GPR158: variants seen among roughly 807,000 people sequenced by gnomAD.
GPR158 encodes G protein-coupled receptor 158.
Under a neutral mutation model 78.2 loss-of-function variants are expected in GPR158, and 30 were observed. The observed-to-expected ratio is 0.38, with a 90% CI of 0.29 to 0.52. The LOEUF (loss-of-function observed/expected upper bound fraction) is 0.52, where lower values mean the gene tolerates loss of function less well. GPR158 is among the 20% of genes least tolerant of loss of function. The probability of loss-of-function intolerance (pLI) is 0.83; values close to 1 mark genes in which losing one functional copy is unlikely to be tolerated. For synonymous variants in GPR158, 581 were observed against 591.1 expected, an observed-to-expected ratio of 0.98 and a Z score of 0.25; for missense variants, 1,463 against 1,523.5, an observed-to-expected ratio of 0.96 and a Z score of 0.66.
chr10:25,578,698 C>T (rs1426045021), intron 7 of GPR158, among the ~76,000 whole-genome samples: 4 of 152,014 alleles, frequency 2.6e-5, no homozygotes, highest in African/African-American at 9.7e-5. Context: ...CACTATTGTC[C>T]TAGAGCTATC....
At chr10:25,254,226 T>C (rs544566239) in intron 2 of GPR158, among the ~76,000 whole-genome samples, 117 of 152,336 alleles carry the variant, frequency 7.7e-4, no homozygotes, top group African/African-American at 2.5e-3. Context: ...TATTTCTTTT[T>C]CTTTTCTTAT....
rs943354415 is a variant in GPR158 at position 25,286,661 on chromosome 10, G to A, written c.1008+65504G>A. Among the ~76,000 whole-genome samples, 4 of 151,940 alleles carry A rather than the reference G, an allele frequency of 2.6e-5. No homozygotes were observed. The South Asian group carries it at 8.3e-4, about 32-fold the overall frequency. ...TTTTGTAGAAGTTTATGCATTTGGT[G>A]TAGGACAGTAGCCACAGAAGTAGAT... On this transcript the variant is annotated intron_variant, in intron 2 of 10. Coordinates refer to ENST00000376351, the MANE Select transcript of GPR158 (RefSeq NM_020752.3).
chr10:25,266,781 A>G (rs1854050396), intron 2 of GPR158, among the ~76,000 whole-genome samples: 1 of 152,146 alleles, frequency 6.6e-6, no homozygotes, highest in Admixed American at 6.6e-5. Context: ...TTATAACCTC[A>G]TAAATATTTT....
At chr10:25,479,928 TTATTC>T (rs1835642746) in intron 5 of GPR158, among the ~76,000 whole-genome samples, 1 of 152,156 alleles carries the variant, frequency 6.6e-6, no homozygotes, top group African/African-American at 2.4e-5. Context: ...CCTCAAGTCT[TTATTC>T]TATGACCTTT....
intron 1 of GPR158, among the ~76,000 whole-genome samples, chr10:25,193,305 T>C (rs560598254): frequency 2.0e-5 from 3 of 152,116 alleles, no homozygotes; most frequent in South Asian, 2.1e-4. Flanking sequence ...AGGGGTAGGG[T>C]AGAATGCATT....
In GPR158 at chr10:25,252,741, T is replaced by C. The variant is rs1853827234; in HGVS notation, c.1008+31584T>C. Among the ~76,000 whole-genome samples, 9 of 152,278 alleles carry C rather than the reference T, an allele frequency of 5.9e-5. No homozygotes were observed. The South Asian group carries it at 1.9e-3, about 32-fold the overall frequency. On this transcript the variant is annotated intron_variant, in intron 2 of 10. Transcript: ENST00000376351. Reference sequence around the variant, plus strand: ...AAGCTGTCAGACAGGGACATTTAAGTCTGCAGAGGTTACTGCTGTCTTTTT... The same window carrying C: ...AAGCTGTCAGACAGGGACATTTAAGCCTGCAGAGGTTACTGCTGTCTTTTT...
intron 6 of GPR158, among the ~76,000 whole-genome samples, chr10:25,559,136 G>A (rs1338580612): frequency 6.6e-6 from 1 of 152,150 alleles, no homozygotes; most frequent in Non-Finnish European, 1.5e-5. Context: ...ATTCTGAGAT[G>A]CATAAACATT....
intron 7 of GPR158, among the ~76,000 whole-genome samples, chr10:25,575,696 A>G (rs534794990): frequency 6.6e-6 from 1 of 152,284 alleles, no homozygotes; most frequent in East Asian, 1.9e-4. Flanking sequence ...CTGTTCCCCG[A>G]TCAAACACTA....
chr10:25,552,129 G>A (rs1001102153), intron 6 of GPR158, among the ~76,000 whole-genome samples: 8 of 151,956 alleles, frequency 5.3e-5, no homozygotes, highest in Non-Finnish European at 8.8e-5. Flanking sequence ...TTATATATGC[G>A]GTAAAGTACA....
intron 2 of GPR158, among the ~76,000 whole-genome samples, chr10:25,352,366 A>C (rs924079184): frequency 6.6e-6 from 1 of 152,110 alleles, no homozygotes; most frequent in East Asian, 1.9e-4. Flanking sequence ...TTGAGGGAGC[A>C]ATGAAAAATA....
chr10:25,495,920 T>C (rs1835874889), intron 5 of GPR158, among the ~76,000 whole-genome samples: 1 of 151,976 alleles, frequency 6.6e-6, no homozygotes, highest in African/African-American at 2.4e-5. Context: ...GAACAACTGT[T>C]TGTTGTAGGG....
chr10:25,576,364 A>T (rs910724584), intron 7 of GPR158, among the ~76,000 whole-genome samples: 2 of 151,872 alleles, frequency 1.3e-5, no homozygotes, highest in Non-Finnish European at 2.9e-5. Context: ...TAGCTCATTT[A>T]CTCCCTCTAC....
chr10:25,522,540 G>C (rs181802930), intron 5 of GPR158, among the ~76,000 whole-genome samples: 2 of 152,308 alleles, frequency 1.3e-5, no homozygotes, highest in East Asian at 3.9e-4. Flanking sequence ...TGAGAAAAGG[G>C]ATCTGGATTT....
At chr10:25,197,052 C>G (rs74123698) in intron 1 of GPR158, among the ~76,000 whole-genome samples, 62 of 152,312 alleles carry the variant, frequency 4.1e-4, no homozygotes, top group African/African-American at 1.2e-3. Flanking sequence ...TCAGGTACTT[C>G]TCCTCACTGT....
At chr10:25,422,757 G>C (rs1032107380) in intron 4 of GPR158, among the ~76,000 whole-genome samples, 1 of 151,656 alleles carries the variant, frequency 6.6e-6, no homozygotes, top group African/African-American at 2.4e-5. Context: ...TGGGTTACAC[G>C]AATAAGTTCT....
intron 2 of GPR158, among the ~76,000 whole-genome samples, chr10:25,286,728 AT>A (rs767521600): frequency 3.9e-5 from 6 of 151,986 alleles, no homozygotes; most frequent in Non-Finnish European, 2.9e-5. Context: ...GCCTTTCCTT[AT>A]GTTAAGCTTT....
intron 2 of GPR158, among the ~76,000 whole-genome samples, chr10:25,373,349 G>T (rs35116297): frequency 0.06 from 9,151 of 151,942 alleles, 628 homozygotes; most frequent in African/African-American, 0.17. Flanking sequence ...ACTAGGCTTA[G>T]TACCTGGGTG....
chr10:25,314,787 G>T (rs2130468239), intron 2 of GPR158, among the ~76,000 whole-genome samples: 1 of 142,740 alleles, frequency 7.0e-6, no homozygotes, highest in East Asian at 2.0e-4. Flanking sequence ...AAATATATAT[G>T]CACACACACA....
chr10:25,211,468 A>G (rs1413896077), intron 1 of GPR158, among the ~76,000 whole-genome samples: 2 of 152,294 alleles, frequency 1.3e-5, no homozygotes, highest in Non-Finnish European at 2.9e-5. Context: ...CACAGGAAAA[A>G]GGGATGGGGG....
Sources: gnomAD v4.1 joint callset for allele counts (sites outside exome capture counted in the v4.1 genomes callset) on GRCh38, gnomAD v4.1.1 for gene constraint, MANE v1.5 for transcripts, NCBI Gene and HGNC (gene_info 2026-07-23, HGNC 2026-07-21) for gene names.